The following LETM2 variants were observed in gnomAD, a reference collection of about 807,000 sequenced individuals.
The protein encoded by LETM2 is leucine zipper and EF-hand containing transmembrane protein 2.
LETM2 carries 58 observed loss-of-function variants against 59.6 expected under a neutral mutation model. The observed-to-expected ratio is 0.97, with a 90% CI of 0.79 to 1.21. The LOEUF is 1.21. LETM2 is among the 50% of genes most tolerant of loss of function. The pLI is 0.00. For missense variants in LETM2, 572 were observed against 575.7 expected (o/e 0.99, Z 0.07); for synonymous variants, 199 against 214.1 (o/e 0.93, Z 0.62).
At chr8:38,395,004 A>G (rs1310261124) in intron 4 of LETM2, among the ~76,000 whole-genome samples, 1 of 152,130 alleles carries the variant, frequency 6.6e-6, no homozygotes, top group Non-Finnish European at 1.5e-5. Context: ...TAGCCATTTT[A>G]GACTGGCTTC....
At chr8:38,391,995 T>C (rs1812322282) in intron 2 of LETM2, among the ~76,000 whole-genome samples, 1 of 152,096 alleles carries the variant, frequency 6.6e-6, no homozygotes, top group South Asian at 2.1e-4. Context: ...GCCAGCCCAA[T>C]GTTCTAGAAG....
chr8:38,389,341 C>T (rs777718456), intron 2 of LETM2, among the ~76,000 whole-genome samples: 22 of 152,116 alleles, frequency 1.4e-4, no homozygotes, highest in South Asian at 4.1e-4. Flanking sequence ...CTCAGCCTCC[C>T]GAGTAGCTGG....
At chr8:38,407,949 G>C in intron 10 of LETM2, 1 of 442,374 alleles carries the variant, frequency 2.3e-6, no homozygotes. Flanking sequence ...GAAGTGGGAA[G>C]TGGCTCCTGT....
rs761273566 is a variant in LETM2 at position 38,407,023 on chromosome 8, A to G, written c.1296A>G (p.Gln432=). The G allele has an allele frequency of 6.2e-7, 1 of 1,602,456 alleles. No individual in the cohort carries two copies. Among genetic ancestry groups the G allele is most frequent in the East Asian group, 2.2e-5 (1 of 44,808 alleles). ...SKENMVDLAP[Q]LKGTKDEDFI... ...AGAACATGGTGGATCTTGCACCTCA[A>G]CTGAAGGGAACTAAGGTTAGACAGT... Residue 432 remains glutamine, a synonymous_variant, in exon 9 of 11, where the codon CAA becomes CAG. Transcript: ENST00000379957.
At chr8:38,402,359 C>G (rs1049149183) in intron 6 of LETM2, among the ~76,000 whole-genome samples, 166 bp from the exon 7 acceptor site, 1 of 152,140 alleles carries the variant, frequency 6.6e-6, no homozygotes, top group Non-Finnish European at 1.5e-5. Context: ...TGGCAGGATT[C>G]CCATTATTTC....
chr8:38,390,450 C>T (rs1042757351), intron 2 of LETM2, among the ~76,000 whole-genome samples: 2 of 151,362 alleles, frequency 1.3e-5, no homozygotes, highest in African/African-American at 2.4e-5. Context: ...GGTGAAACCC[C>T]GTCTCTACTA....
At chr8:38,406,460 G>T (rs564626213) in intron 8 of LETM2, 1 of 152,356 alleles carries the variant, frequency 6.6e-6, no homozygotes, top group Non-Finnish European at 1.5e-5. Context: ...ATTAGTAGCC[G>T]GGCATGGTAG....
chr8:38,400,644 T>A, intron 5 of LETM2: 1 of 658,182 alleles, frequency 1.5e-6, no homozygotes, highest in Non-Finnish European at 2.5e-6. Flanking sequence ...GAGAGAACAG[T>A]AGATTTAGAG....
intron 4 of LETM2, chr8:38,397,202 A>C (rs1389146292): frequency 6.7e-6 from 3 of 450,794 alleles, no homozygotes; most frequent in African/African-American, 6.1e-5. Context: ...TTTGAGACGG[A>C]GTCTCGCACC....
intron 4 of LETM2, 62 bp from the exon 5 acceptor site, chr8:38,400,210 A>G (rs898943946): frequency 1.0e-5 from 14 of 1,351,126 alleles, no homozygotes; most frequent in African/African-American, 1.0e-4. Flanking sequence ...TTTTTCTCCC[A>G]TCTTTATCTA....
chr8:38,383,386 A>G (rs1369354966), upstream of LETM2: 14 of 152,268 alleles, frequency 9.2e-5, no homozygotes, highest in Admixed American at 9.2e-4. Flanking sequence ...CGTAAAAAGG[A>G]AACAGAGGCA....
chr8:38,394,220 T>C lies in LETM2; in HGVS notation c.624T>C (p.Thr208=). The C allele has an allele frequency of 6.7e-7, 1 of 1,487,760 alleles. No homozygotes were observed. Among genetic ancestry groups the C allele is most frequent in the Non-Finnish European group, 8.9e-7 (1 of 1,127,846 alleles). The allele number at this position is 1,487,760 out of a possible 1,614,324, so 92.2% of individuals were successfully genotyped here. The change falls in exon 4 of 11, where the codon ACT becomes ACC. Residue 208 remains threonine (T), a synonymous_variant. Transcript: ENST00000379957. Reference sequence around the variant, plus strand: ...TCTTCCCAGAGATGTTGCCATCAACTTTTGAAAGTGAATCCAAAAAGGTAT... The same window carrying C: ...TCTTCCCAGAGATGTTGCCATCAACCTTTGAAAGTGAATCCAAAAAGGTAT... ...LKLFPEMLPS[T]FESESKKEEK... is the part of the protein sequence containing the mutation.
At chr8:38,406,632 A>G in intron 8 of LETM2, 1 of 232,108 alleles carries the variant, frequency 4.3e-6, no homozygotes, top group Non-Finnish European at 8.3e-6. Flanking sequence ...AAAAACAAAT[A>G]ATTGAGAAAT....
At chr8:38,397,500 G>A (rs1212574980) in intron 4 of LETM2, among the ~76,000 whole-genome samples, 1 of 152,208 alleles carries the variant, frequency 6.6e-6, no homozygotes, top group Non-Finnish European at 1.5e-5. Flanking sequence ...AGTGGCATAA[G>A]AGAGTATGAT....
upstream of LETM2, among the ~76,000 whole-genome samples, chr8:38,385,401 A>T (rs953757362): frequency 8.2e-4 from 124 of 151,588 alleles, no homozygotes; most frequent in African/African-American, 4.1e-4. Flanking sequence ...GAAAAAAAAA[A>T]TTTTTTTTTG....
chr8:38,404,649 A>G, intron 8 of LETM2, 143 bp downstream of exon 8: 1 of 613,004 alleles, frequency 1.6e-6, no homozygotes, highest in Non-Finnish European at 2.9e-6. Context: ...TGTTTTAAAA[A>G]TTTCTAAAAA....
At chr8:38,405,762 CA>C (rs999412754) in intron 8 of LETM2, among the ~76,000 whole-genome samples, 28 of 152,304 alleles carry the variant, frequency 1.8e-4, no homozygotes, top group African/African-American at 6.5e-4. Context: ...AGATTGCTGT[CA>C]GGGGCAAGGA....
rs777149932 is a variant in LETM2, at chr8:38,400,883, G to A, written c.814G>A (p.Glu272Lys). ...VQTGHKPSTK[E>K]IVRFSKLFED... ...GACAGGCCACAAGCCCAGCACAAAGGAGATAGTTCGCTTCTCCAAACTATT... is the reference window on the plus strand; with the variant it reads ...GACAGGCCACAAGCCCAGCACAAAGAAGATAGTTCGCTTCTCCAAACTATT... Residue 272 changes from glutamate to lysine, a missense_variant, in exon 6 of 11, where the codon GAG becomes AAG. By Grantham distance (56) the Glu-to-Lys change is moderately conservative. Coordinates refer to ENST00000379957, the MANE Select transcript of LETM2 (RefSeq NM_001286819.2). 3.1e-6 allele frequency: 5 copies of A among 1,614,196 alleles called. No homozygotes were observed. The East Asian group carries it at 1.1e-4, about 36-fold the overall frequency.
intron 4 of LETM2, among the ~76,000 whole-genome samples, chr8:38,398,720 C>CTTT (rs869232263): frequency 2.2e-4 from 26 of 115,806 alleles, no homozygotes; most frequent in African/African-American, 2.9e-4. Context: ...TAAGTGGGTT[C>CTTT]TTTTTTTTTT....
Sources: gnomAD v4.1 joint callset for allele counts (sites outside exome capture counted in the v4.1 genomes callset) on GRCh38, gnomAD v4.1.1 for gene constraint, MANE v1.5 for transcripts, NCBI Gene and HGNC (gene_info 2026-07-23, HGNC 2026-07-21) for gene names.